Variants in RALYL observed in about 807,000 individuals in gnomAD.
The protein encoded by RALYL is RALY RNA binding protein like.
RALYL carries 29 observed loss-of-function variants against 35.1 expected under a neutral mutation model. That is an observed-to-expected ratio of 0.83 (90% confidence interval 0.61 to 1.13). The LOEUF is 1.13. Among genes scored for constraint, RALYL ranks in the 50% most tolerant of loss-of-function variants. RALYL has a pLI of 0.00. For synonymous variants in RALYL, 120 were observed against 127.6 expected (o/e 0.94, Z 0.40); for missense variants, 359 against 360.4 (o/e 1.00, Z 0.03).
chr8:84,676,906 A>G (rs1834317959), intron 2 of RALYL, among the ~76,000 whole-genome samples: 1 of 152,068 alleles, frequency 6.6e-6, no homozygotes, highest in Admixed American at 6.6e-5. Context: ...GGGTTCAAGC[A>G]ATTCTTCTGC....
intron 4 of RALYL, among the ~76,000 whole-genome samples, chr8:84,842,641 C>G (rs1177484147): frequency 6.6e-6 from 1 of 152,112 alleles, no homozygotes; most frequent in African/African-American, 2.4e-5. Context: ...ATACTGATAT[C>G]AAAGCCTGGC....
chr8:84,650,233 A>G (rs1288592514), intron 2 of RALYL, among the ~76,000 whole-genome samples: 2 of 152,046 alleles, frequency 1.3e-5, no homozygotes, highest in Non-Finnish European at 2.9e-5. Context: ...GCAAACAGGG[A>G]CAATTTGACT....
At chr8:84,700,050 T>G (rs1839921109) in intron 2 of RALYL, among the ~76,000 whole-genome samples, 1 of 152,104 alleles carries the variant, frequency 6.6e-6, no homozygotes, top group African/African-American at 2.4e-5. Context: ...TTCATTATCC[T>G]TAAAACACTG....
chr8:84,804,930 C>T, intron 4 of RALYL, 128 bp downstream of exon 4: 1 of 417,340 alleles, frequency 2.4e-6, no homozygotes. Flanking sequence ...TGCAACATTG[C>T]TATCTATGTT....
intron 1 of RALYL, among the ~76,000 whole-genome samples, chr8:84,422,468 T>C (rs1428068817): frequency 8.8e-6 from 1 of 114,218 alleles, no homozygotes; most frequent in African/African-American, 3.7e-5. Context: ...GCTAGCGGTC[T>C]ATCAATTTTG....
chr8:84,226,693 A>AT (rs1001063682), intron 1 of RALYL, among the ~76,000 whole-genome samples: 5 of 152,096 alleles, frequency 3.3e-5, no homozygotes, highest in Non-Finnish European at 5.9e-5. Flanking sequence ...AAAAGTTCAA[A>AT]TTTTTTTTGA....
chr8:84,385,288 TTCAA>T (rs1452145615), intron 1 of RALYL, among the ~76,000 whole-genome samples: 1 of 151,878 alleles, frequency 6.6e-6, no homozygotes, highest in African/African-American at 2.4e-5. Flanking sequence ...GGAAGTTAAA[TTCAA>T]TCAATTTCTA....
intron 8 of RALYL, among the ~76,000 whole-genome samples, chr8:84,910,358 A>C (rs1239228796): frequency 6.6e-6 from 1 of 152,110 alleles, no homozygotes; most frequent in Non-Finnish European, 1.5e-5. Flanking sequence ...CATACTATCA[A>C]AGTCTTGGGC....
chr8:84,392,667 A>G (rs1041666327), intron 1 of RALYL, among the ~76,000 whole-genome samples: 18 of 152,094 alleles, frequency 1.2e-4, no homozygotes, highest in African/African-American at 3.4e-4. Context: ...AATGCTGTCT[A>G]TCTCGACTGT....
chr8:84,459,886 ATTTC>A (rs567585293), intron 1 of RALYL, among the ~76,000 whole-genome samples: 198 of 151,894 alleles, frequency 1.3e-3, no homozygotes, highest in Non-Finnish European at 2.1e-3. Context: ...TGCTTCACAT[ATTTC>A]TTCTGCTTCT....
At chr8:84,445,196 C>T (rs375738668) in intron 1 of RALYL, among the ~76,000 whole-genome samples, 85 of 151,920 alleles carry the variant, frequency 5.6e-4, no homozygotes, top group Non-Finnish European at 9.4e-4. Flanking sequence ...ATTTCAAAGA[C>T]GTTAAATATC....
chr8:84,336,145 G>A (rs1847763566), intron 1 of RALYL, among the ~76,000 whole-genome samples: 1 of 152,076 alleles, frequency 6.6e-6, no homozygotes, highest in Admixed American at 6.6e-5. Context: ...ATGGATTACA[G>A]GAGACTGTTG....
chr8:84,686,196 G>A (rs1006643385), intron 2 of RALYL, among the ~76,000 whole-genome samples: 2 of 151,972 alleles, frequency 1.3e-5, no homozygotes, highest in African/African-American at 4.8e-5. Flanking sequence ...GACAATAATT[G>A]TGCCATGAAC....
intron 1 of RALYL, among the ~76,000 whole-genome samples, chr8:84,342,352 C>A (rs1563762160): frequency 7.2e-6 from 1 of 139,096 alleles, no homozygotes; most frequent in African/African-American, 2.8e-5. Flanking sequence ...GCCAGGCCTA[C>A]ACACATTAAT....
At chr8:84,665,810 T>G (rs1564337073) in intron 2 of RALYL, 2 of 152,044 alleles carry the variant, frequency 1.3e-5, no homozygotes, top group Non-Finnish European at 2.9e-5. Flanking sequence ...GCAGGGGCCA[T>G]GCTACTCTTC....
intron 1 of RALYL, among the ~76,000 whole-genome samples, chr8:84,276,177 G>A (rs922756006): frequency 2.6e-5 from 4 of 152,034 alleles, no homozygotes; most frequent in African/African-American, 9.7e-5. Flanking sequence ...ATGGTGTTTT[G>A]AAAAGAAGAG....
chr8:84,913,040 G>GTAGGTAGGTAGATAGATAGATAGA lies in RALYL; in HGVS notation c.859-7851_859-7850insGTAGGTAGATAGATAGATAGATAG, dbSNP rs372305617. ...GATGGATGGATGGATGGATAGGTAG[G>GTAGGTAGGTAGATAGATAGATAGA]TAGATAGATAGATAGATAGATAGAT... is the stretch of plus-strand genomic sequence containing the variant. On this transcript the variant is annotated intron_variant, in intron 8 of 8. Coordinates refer to ENST00000521268, the MANE Select transcript of RALYL (RefSeq NM_173848.7). 8.9e-3 allele frequency among the ~76,000 whole-genome samples: 1,158 copies of GTAGGTAGGTAGATAGATAGATAGA among 130,062 alleles called. 15 individuals carry two copies. The highest frequency in any genetic ancestry group is 0.011 in the Non-Finnish European group (712 of 62,702). 85.3% of individuals were successfully genotyped at this position (130,062 alleles called of 152,430 possible). A position where few individuals can be genotyped will look rare whatever the true frequency, so the allele number is the denominator to read the frequency against.
chr8:84,853,570 C>T (rs549627148), intron 5 of RALYL, among the ~76,000 whole-genome samples: 2 of 152,250 alleles, frequency 1.3e-5, no homozygotes, highest in African/African-American at 4.8e-5. Context: ...ATCTGTTTGG[C>T]ATGGAAGTAT....
At chr8:84,719,878 T>G (rs1438263516) in intron 2 of RALYL, among the ~76,000 whole-genome samples, 2 of 152,160 alleles carry the variant, frequency 1.3e-5, no homozygotes, top group Non-Finnish European at 2.9e-5. Flanking sequence ...CCTGTCTAAC[T>G]GTGACCATAT....
Sources: gnomAD v4.1 joint callset for allele counts (sites outside exome capture counted in the v4.1 genomes callset) on GRCh38, gnomAD v4.1.1 for gene constraint, MANE v1.5 for transcripts, NCBI Gene and HGNC (gene_info 2026-07-23, HGNC 2026-07-21) for gene names.